Variants in MMD2 observed in about 807,000 individuals in gnomAD.
The protein encoded by MMD2 is monocyte to macrophage differentiation factor 2.
MMD2 carries 30 observed loss-of-function variants against 33.5 expected under a neutral mutation model. That is an observed-to-expected ratio of 0.90 (90% CI 0.67 to 1.22). The LOEUF (loss-of-function observed/expected upper bound fraction) is 1.22. Ranked by LOEUF, MMD2 falls within the 50% of genes most tolerant of loss-of-function variation. The pLI, the probability that MMD2 is intolerant of heterozygous loss-of-function variation, is 0.00. For synonymous variants in MMD2, 129 were observed against 123.0 expected (o/e 1.05, Z -0.32); for missense variants, 364 against 325.4 (o/e 1.12, Z -0.91).
chr7:4,931,001 C>G (rs1047555111), intron 1 of MMD2, among the ~76,000 whole-genome samples: 7 of 152,204 alleles, frequency 4.6e-5, no homozygotes, highest in Non-Finnish European at 8.8e-5. Context: ...CAGGCGCCCG[C>G]CACCAGGCCT....
intron 6 of MMD2, among the ~76,000 whole-genome samples, chr7:4,909,525 C>T (rs1188185609): frequency 1.3e-5 from 2 of 152,106 alleles, no homozygotes; most frequent in Admixed American, 6.6e-5. Context: ...TCACTACAAC[C>T]TCTGCATCCC....
intron 4 of MMD2, among the ~76,000 whole-genome samples, chr7:4,912,890 G>A (rs576782478): frequency 7.7e-4 from 117 of 152,064 alleles, no homozygotes; most frequent in Non-Finnish European, 1.3e-3. Context: ...TTGTAGTAGA[G>A]ATGGGGTTTC....
At chr7:4,945,828 G>A (rs1052709105) in intron 1 of MMD2, among the ~76,000 whole-genome samples, 3 of 152,170 alleles carry the variant, frequency 2.0e-5, no homozygotes, top group African/African-American at 7.2e-5. Context: ...TCCCGCCTTG[G>A]CCTCAAAGAG....
chr7:4,895,804 G>T, the MMD2 span, among the ~76,000 whole-genome samples: 1 of 152,080 alleles, frequency 6.6e-6, no homozygotes. Flanking sequence ...AAAGTGCTGG[G>T]ATTACAGGCG....
In MMD2 at chr7:4,907,586, C is replaced by A; in HGVS notation, c.551G>T (p.Gly184Val). Residue 184 changes from glycine to valine, a missense_variant, in exon 7 of 7, where the codon GGC becomes GTC. Gly to Val is a moderately radical substitution (Grantham distance 109). Coordinates refer to ENST00000401401, the MANE Select transcript of MMD2 (RefSeq NM_198403.4). ...CCCTCCGGTCACCAGCTCCCAGATG[C>A]CCTCGGTGTTGGGCTGTCGGCAAGG... ...LVILSMPNTE[G>V]IWELVTGGVF... 1.2e-6 allele frequency: 2 copies of A among 1,612,496 alleles called. No homozygotes were observed. The highest frequency in any genetic ancestry group is 1.1e-5 in the South Asian group (1 of 91,008).
At chr7:4,941,644 A>C (rs1785914301) in intron 1 of MMD2, among the ~76,000 whole-genome samples, 1 of 140,526 alleles carries the variant, frequency 7.1e-6, no homozygotes, top group African/African-American at 2.5e-5. Flanking sequence ...AAAAAAAAAA[A>C]AGACACTTTT....
rs1205981299 is a variant in MMD2 at position 4,911,212 on chromosome 7, G to C, written c.400C>G (p.His134Asp). 6.2e-7 allele frequency: 1 copy of C among 1,600,656 alleles called. No individual in the cohort carries two copies. The highest frequency in any genetic ancestry group is 1.7e-5 in the Admixed American group (1 of 57,950). ...NLRELGPWASHMRWLVWIMAS... is the reference protein window; with the variant it reads ...NLRELGPWASDMRWLVWIMAS... Reference sequence around the variant, plus strand: ...ATAATCCAGACCAGCCAGCGCATGTGGGAGGCCCAGGGGCCCAGCTCCCGA... The same window carrying C: ...ATAATCCAGACCAGCCAGCGCATGTCGGAGGCCCAGGGGCCCAGCTCCCGA... The change falls in exon 5 of 7, where the codon CAC becomes GAC. Residue 134 changes from histidine (H) to aspartate (D), a missense_variant. Coordinates refer to ENST00000401401, the MANE Select transcript of MMD2 (RefSeq NM_198403.4).
intron 4 of MMD2, among the ~76,000 whole-genome samples, chr7:4,913,818 C>T (rs983551071): frequency 5.9e-5 from 9 of 151,302 alleles, no homozygotes; most frequent in Admixed American, 1.3e-4. Flanking sequence ...CCTGCCACCA[C>T]GCCCGACTAA....
intron 2 of MMD2, among the ~76,000 whole-genome samples, chr7:4,921,807 C>G (rs1040121271): frequency 6.6e-6 from 1 of 152,104 alleles, no homozygotes; most frequent in East Asian, 1.9e-4. Context: ...CAGCAATGCA[C>G]CAGAATGGGA....
the MMD2 span, among the ~76,000 whole-genome samples, chr7:4,897,467 G>A: frequency 1.3e-5 from 2 of 152,266 alleles, no homozygotes; most frequent in East Asian, 1.9e-4. Flanking sequence ...CTCAGACATT[G>A]TAGACATTAT....
chr7:4,909,994 C>T (rs749229989), intron 5 of MMD2, 44 bp from the exon 6 acceptor site: 4 of 1,613,968 alleles, frequency 2.5e-6, no homozygotes, highest in South Asian at 1.1e-5. Context: ...CATGCCTCCC[C>T]ACGAAGAAAC....
At chr7:4,942,791 T>C (rs962300178) in intron 1 of MMD2, among the ~76,000 whole-genome samples, 2 of 151,300 alleles carry the variant, frequency 1.3e-5, no homozygotes, top group African/African-American at 4.9e-5. Flanking sequence ...TTTTTGTTTG[T>C]TTTTTAGTAG....
chr7:4,912,254 G>A (rs1397372656), intron 4 of MMD2, among the ~76,000 whole-genome samples: 3 of 152,082 alleles, frequency 2.0e-5, no homozygotes, highest in Non-Finnish European at 2.9e-5. Context: ...AATATTGTGT[G>A]TATGTATAAA....
At chr7:4,905,573 C>A (rs893525387), downstream of MMD2, among the ~76,000 whole-genome samples, 1 of 152,108 alleles carries the variant, frequency 6.6e-6, no homozygotes, top group Admixed American at 6.6e-5. The surrounding 1 kb of genome is among the most constrained non-coding windows in gnomAD (Gnocchi z 5.0). Flanking sequence ...TGTCCGTCAG[C>A]ATCGTGATCG....
At chr7:4,913,189 C>T (rs758271337) in intron 4 of MMD2, among the ~76,000 whole-genome samples, 1 of 151,952 alleles carries the variant, frequency 6.6e-6, no homozygotes, top group Non-Finnish European at 1.5e-5. Flanking sequence ...TCCAAGTAGA[C>T]CTAAAAATAG....
chr7:4,939,274 G>A lies in MMD2; in HGVS notation c.48-13742C>T, dbSNP rs10281561. The stretch of plus-strand genomic sequence containing the variant: ...AAAAGGAATCCTGGAGGCTGGGCCC[G>A]GTGGCTCGTGCCTGTAATCCCAGCA... On this transcript the variant is annotated intron_variant, in intron 1 of 6. Transcript: ENST00000401401. Among the ~76,000 whole-genome samples the A allele has an allele frequency of 7.3e-3, 1,110 of 152,066 alleles. 17 individuals carry two copies. The highest frequency in any genetic ancestry group is 0.025 in the African/African-American group (1,028 of 41,480).
At chr7:4,958,939 C>T (rs1474580033) in intron 1 of MMD2, 32 bp downstream of exon 1, 3 of 1,291,272 alleles carry the variant, frequency 2.3e-6, no homozygotes, top group East Asian at 3.1e-5. Flanking sequence ...CCCCTCCCTC[C>T]CTCCCCGCGG....
At chr7:4,947,443 G>T in intron 1 of MMD2, among the ~76,000 whole-genome samples, 1 of 151,418 alleles carries the variant, frequency 6.6e-6, no homozygotes, top group East Asian at 2.0e-4. Flanking sequence ...GCACAGGCTG[G>T]AGTGCAGTGG....
At chr7:4,909,793 GGTTTGTGAC>G in intron 6 of MMD2, 79 bp downstream of exon 6, 2 of 1,526,172 alleles carry the variant, frequency 1.3e-6, no homozygotes, top group East Asian at 4.9e-5. Flanking sequence ...CAAAGGAGAG[GGTTTGTGAC>G]AATCTCAACA....
Sources: allele counts gnomAD v4.1 joint callset (sites outside exome capture counted in the v4.1 genomes callset), GRCh38; gene constraint gnomAD v4.1.1; non-coding constraint Gnocchi (gnomAD v3.1); transcripts MANE v1.5; gene names NCBI Gene and HGNC (gene_info 2026-07-23, HGNC 2026-07-21).